TANGO6: variants seen among roughly 807,000 people sequenced by gnomAD.
TANGO6 encodes the protein transport and Golgi organization protein 6 homolog.
In TANGO6, 90 loss-of-function variants were observed where a neutral mutation model predicts 114.2. The ratio of observed to expected loss-of-function variants is 0.79; its 90% confidence interval spans 0.66 to 0.94. The LOEUF is 0.94. TANGO6 is among the 40% of genes least tolerant of loss of function. The probability of loss-of-function intolerance (pLI) is 0.00; values close to 1 mark genes in which losing one functional copy is unlikely to be tolerated. For missense variants in TANGO6, 1,274 were observed against 1,315.3 expected (o/e 0.97, Z 0.49); for synonymous variants, 477 against 509.8 (o/e 0.94, Z 0.87).
intron 14 of TANGO6, among the ~76,000 whole-genome samples, chr16:68,966,094 G>A (rs1963642514): frequency 6.6e-6 from 1 of 152,168 alleles, no homozygotes; most frequent in Non-Finnish European, 1.5e-5. Flanking sequence ...TTAGCCATGT[G>A]TGGTGGCACA....
At chr16:68,894,998 A>G (rs564652591) in intron 7 of TANGO6, among the ~76,000 whole-genome samples, 2 of 152,058 alleles carry the variant, frequency 1.3e-5, no homozygotes, top group African/African-American at 4.8e-5. Context: ...CTTTGCTAAC[A>G]ATGTGTCTTT....
intron 17 of TANGO6, among the ~76,000 whole-genome samples, chr16:69,076,034 A>T (rs1033197281): frequency 1.5e-4 from 21 of 143,842 alleles, no homozygotes; most frequent in Non-Finnish European, 2.6e-4. Context: ...AAGTGTTGGG[A>T]TTACAGGCGT....
chr16:69,013,333 G>A (rs1437557225), intron 15 of TANGO6, among the ~76,000 whole-genome samples: 3 of 152,044 alleles, frequency 2.0e-5, no homozygotes, highest in African/African-American at 7.2e-5. Flanking sequence ...TTAAAAATAT[G>A]TACACAGTGG....
At chr16:68,976,769 T>A (rs1963769094) in intron 15 of TANGO6, among the ~76,000 whole-genome samples, 1 of 152,224 alleles carries the variant, frequency 6.6e-6, no homozygotes, top group Admixed American at 6.5e-5. Flanking sequence ...GGCTGTGTTC[T>A]TGTCATGCAT....
chr16:68,961,249 T>A (rs183435372), intron 14 of TANGO6, among the ~76,000 whole-genome samples: 49 of 152,352 alleles, frequency 3.2e-4, no homozygotes, highest in African/African-American at 1.1e-3. Flanking sequence ...GGTTAGGATT[T>A]GCAAAGCTAG....
intron 14 of TANGO6, among the ~76,000 whole-genome samples, chr16:68,965,186 G>A (rs903791717): frequency 1.4e-4 from 21 of 151,604 alleles, no homozygotes; most frequent in Non-Finnish European, 2.4e-4. Context: ...TTGAGATGGA[G>A]TCTCGCTCTG....
intron 17 of TANGO6, among the ~76,000 whole-genome samples, chr16:69,066,812 A>AC (rs1323548778): frequency 3.3e-5 from 5 of 152,152 alleles, no homozygotes; most frequent in Non-Finnish European, 7.3e-5. Flanking sequence ...AACCACTTTG[A>AC]GAGGCTGAGG....
At chr16:69,061,848 T>C (rs1960123287) in intron 17 of TANGO6, among the ~76,000 whole-genome samples, 1 of 151,910 alleles carries the variant, frequency 6.6e-6, no homozygotes, top group African/African-American at 2.4e-5. Flanking sequence ...TGAAACCCCA[T>C]CTCTACTAAA....
chr16:68,890,109 G>A (rs1032883754), intron 7 of TANGO6, among the ~76,000 whole-genome samples: 5 of 152,144 alleles, frequency 3.3e-5, no homozygotes, highest in African/African-American at 9.7e-5. Context: ...TTTAGGAGGT[G>A]TAAAATCAAG....
At position 68,928,001 on chromosome 16, in the gene TANGO6, G is replaced by A. The variant is rs533793149; in HGVS notation, c.2561G>A (p.Arg854Gln). ...LSAYDPQIPT[R>Q]AAALRTLSHW... ...GCTTATGACCCTCAAATTCCAACACGGGCTGCTGCCCTGCGTACTCTTTCC... is the reference window on the plus strand; with the variant it reads ...GCTTATGACCCTCAAATTCCAACACAGGCTGCTGCCCTGCGTACTCTTTCC... The change falls in exon 13 of 18, where the codon CGG (arginine) becomes CAG (glutamine). Residue 854 changes from arginine (R) to glutamine (Q), a missense_variant. Physicochemically the swap from Arg to Gln is conservative, Grantham distance 43. Coordinates refer to ENST00000261778, the MANE Select transcript of TANGO6 (RefSeq NM_024562.2). 91 of 1,611,776 alleles carry A rather than the reference G, an allele frequency of 5.6e-5. No individual in the cohort carries two copies. Among genetic ancestry groups the A allele is most frequent in the Non-Finnish European group, 7.0e-5 (82 of 1,179,008 alleles).
At chr16:68,878,975 C>T (rs950630589) in intron 6 of TANGO6, among the ~76,000 whole-genome samples, 8 of 151,980 alleles carry the variant, frequency 5.3e-5, no homozygotes, top group Non-Finnish European at 1.2e-4. Context: ...AGTTGGGAGG[C>T]TGATGTGGGA....
chr16:69,014,310 T>C (rs973878467), intron 15 of TANGO6, among the ~76,000 whole-genome samples: 7 of 152,198 alleles, frequency 4.6e-5, no homozygotes, highest in Non-Finnish European at 1.0e-4. Flanking sequence ...CTAATTCATA[T>C]ATCCTTATGA....
intron 14 of TANGO6, among the ~76,000 whole-genome samples, chr16:68,964,176 G>A (rs1963621475): frequency 6.6e-6 from 1 of 151,582 alleles, no homozygotes; most frequent in African/African-American, 2.4e-5. Context: ...CAGAGAAATG[G>A]TAAACATTTG....
At position 68,953,039 on chromosome 16, in the gene TANGO6, A is replaced by G. The variant is rs762463727; in HGVS notation, c.2702-20989A>G. Among the ~76,000 whole-genome samples, 224 of 132,214 alleles carry G rather than the reference A, an allele frequency of 1.7e-3. 4 individuals carry two copies. Among genetic ancestry groups the G allele is most frequent in the Non-Finnish European group, 8.1e-4 (50 of 62,002 alleles). The allele number at this position is 132,214 out of a possible 152,430, so 86.7% of individuals were successfully genotyped here. ...AATGGCTTAAAATGTTCATTCACTC[A>G]ACAGGTATTTTTTATTATTATTATT... On this transcript the variant is annotated intron_variant, in intron 14 of 17. Transcript: ENST00000261778.
chr16:68,991,743 G>A (rs148044545), intron 15 of TANGO6, among the ~76,000 whole-genome samples: 240 of 152,110 alleles, frequency 1.6e-3, no homozygotes, highest in African/African-American at 4.8e-3. Context: ...ACTTGAACCC[G>A]ATTAAAGGGA....
rs141572062 is a variant in TANGO6 at position 68,956,426 on chromosome 16, C to G, written c.2702-17602C>G. On this transcript the variant is annotated intron_variant, in intron 14 of 17. Coordinates refer to ENST00000261778, the MANE Select transcript of TANGO6 (RefSeq NM_024562.2). ...TGAAGTAGGAGTCTAACAGAAGGCC[C>G]TCCAACATTAAGCTTAGACCCGCTA... Among the ~76,000 whole-genome samples, 6 of 152,238 alleles carry G rather than the reference C, an allele frequency of 3.9e-5. No homozygotes were observed. The East Asian group carries it at 1.2e-3, about 29-fold the overall frequency.
At chr16:68,861,470 C>T (rs1962091294) in intron 2 of TANGO6, among the ~76,000 whole-genome samples, 1 of 152,142 alleles carries the variant, frequency 6.6e-6, no homozygotes, top group Non-Finnish European at 1.5e-5. Context: ...TCCCTGGGGC[C>T]TTTATGTGAT....
chr16:68,860,564 G>A, intron 2 of TANGO6, 40 bp downstream of exon 2: 4 of 1,592,198 alleles, frequency 2.5e-6, no homozygotes, highest in Non-Finnish European at 3.4e-6. Flanking sequence ...GAGATTGTGT[G>A]TGTATGAATG....
intron 16 of TANGO6, among the ~76,000 whole-genome samples, chr16:69,032,714 TA>T (rs1406540673): frequency 6.6e-6 from 1 of 151,938 alleles, no homozygotes; most frequent in African/African-American, 2.4e-5. Context: ...CCGTCTCTAC[TA>T]AAAATACAAA....
Sources: gnomAD v4.1 joint callset for allele counts (sites outside exome capture counted in the v4.1 genomes callset) on GRCh38, gnomAD v4.1.1 for gene constraint, MANE v1.5 for transcripts, NCBI Gene and HGNC (gene_info 2026-07-23, HGNC 2026-07-21) for gene names.